DIAPH3: variants seen among roughly 807,000 people sequenced by gnomAD.
DIAPH3 encodes protein diaphanous homolog 3.
Under a neutral mutation model 144.3 loss-of-function variants are expected in DIAPH3, and 117 were observed. That is an observed-to-expected ratio of 0.81 (90% CI 0.70 to 0.95). The LOEUF (loss-of-function observed/expected upper bound fraction) is 0.95. Ranked by LOEUF, DIAPH3 falls within the 40% of genes least tolerant of loss-of-function variation. The probability of loss-of-function intolerance (pLI) is 0.00; values close to 1 mark genes in which losing one functional copy is unlikely to be tolerated. For missense variants in DIAPH3, 1,421 were observed against 1,412.7 expected, an observed-to-expected ratio of 1.01 and a Z score of -0.09; for synonymous variants, 519 against 488.9, an observed-to-expected ratio of 1.06 and a Z score of -0.81.
rs1566163670 is a variant in DIAPH3 at position 59,666,660 on chromosome 13, T to TC, written c.3505dup (p.Glu1169GlyfsTer8). On this transcript the variant is annotated frameshift_variant, in exon 28 of 28. Transcript: ENST00000400324. LOFTEE classifies it high-confidence loss of function. ...ATTTTTAGAAAAAGAGCCAAGAAGTTCCGTTTCCTTTTTTCTGTTGCTTTC... is the reference window on the plus strand; with the variant it reads ...ATTTTTAGAAAAAGAGCCAAGAAGTTCCCGTTTCCTTTTTTCTGTTGCTTTC... 1 of 1,614,146 alleles carries TC rather than the reference T, an allele frequency of 6.2e-7. No individual in the cohort carries two copies. Among genetic ancestry groups the TC allele is most frequent in the South Asian group, 1.1e-5 (1 of 91,084 alleles).
chr13:59,897,613 T>A (rs1161797574), intron 20 of DIAPH3, among the ~76,000 whole-genome samples: 1 of 151,526 alleles, frequency 6.6e-6, no homozygotes, highest in Non-Finnish European at 1.5e-5. Flanking sequence ...CTAGGCATGG[T>A]GGCGTGCACC....
chr13:59,728,201 C>T (rs535493937), intron 27 of DIAPH3, among the ~76,000 whole-genome samples: 1 of 152,100 alleles, frequency 6.6e-6, no homozygotes, highest in South Asian at 2.1e-4. Flanking sequence ...TAGACACCCC[C>T]ACTGGTTACT....
chr13:60,145,860 T>C (rs1202039356), intron 1 of DIAPH3, among the ~76,000 whole-genome samples: 2 of 152,054 alleles, frequency 1.3e-5, no homozygotes, highest in Non-Finnish European at 2.9e-5. Flanking sequence ...TTATAAACCA[T>C]ACACTCCCAA....
At chr13:59,936,468 AC>A (rs1170707086) in intron 17 of DIAPH3, among the ~76,000 whole-genome samples, 1 of 152,166 alleles carries the variant, frequency 6.6e-6, no homozygotes, top group Non-Finnish European at 1.5e-5. Context: ...AAATATTAAC[AC>A]CATTCAAAAT....
intron 20 of DIAPH3, among the ~76,000 whole-genome samples, chr13:59,893,175 C>T (rs1159716698): frequency 1.3e-5 from 2 of 152,118 alleles, no homozygotes; most frequent in East Asian, 3.8e-4. Flanking sequence ...GCATCTCTAA[C>T]ATTACATCTT....
intron 13 of DIAPH3, 127 bp from the exon 14 acceptor site, chr13:59,980,986 T>A: frequency 1.4e-6 from 1 of 706,850 alleles, no homozygotes; most frequent in Non-Finnish European, 2.3e-6. Flanking sequence ...ATAAACAAAA[T>A]GGAAAAAATA....
At chr13:59,993,797 T>G (rs915981096) in intron 9 of DIAPH3, among the ~76,000 whole-genome samples, 1 of 150,202 alleles carries the variant, frequency 6.7e-6, no homozygotes, top group Non-Finnish European at 1.5e-5. Context: ...AAGTTTAAAA[T>G]GTTTTCCTTC....
chr13:60,131,429 C>G (rs2059134199), intron 2 of DIAPH3, among the ~76,000 whole-genome samples: 1 of 124,228 alleles, frequency 8.0e-6, no homozygotes, highest in African/African-American at 3.2e-5. Flanking sequence ...GAGCGAGACC[C>G]TGTCTCAAAA....
At chr13:59,869,379 T>C (rs908765394) in intron 21 of DIAPH3, among the ~76,000 whole-genome samples, 5 of 152,112 alleles carry the variant, frequency 3.3e-5, no homozygotes, top group African/African-American at 9.7e-5. Context: ...TAATTTGACA[T>C]GAGAGAGATT....
intron 20 of DIAPH3, among the ~76,000 whole-genome samples, chr13:59,898,792 T>C (rs143790503): frequency 3.3e-4 from 51 of 152,250 alleles, no homozygotes; most frequent in African/African-American, 1.1e-3. Context: ...ATGGTTAATA[T>C]TGAGTGTCAA....
intron 4 of DIAPH3, among the ~76,000 whole-genome samples, chr13:60,078,719 C>T (rs2057453969): frequency 6.6e-6 from 1 of 151,492 alleles, no homozygotes; most frequent in East Asian, 1.9e-4. Flanking sequence ...ATTTTCAATT[C>T]ATATATATTT....
At chr13:59,840,416 G>T (rs913060714) in intron 22 of DIAPH3, among the ~76,000 whole-genome samples, 2 of 151,754 alleles carry the variant, frequency 1.3e-5, no homozygotes, top group African/African-American at 4.8e-5. Context: ...ATAAGGATAG[G>T]AATATCCTTG....
rs1322828740 is a variant in DIAPH3 at position 59,666,730 on chromosome 13, T to C, written c.3436A>G (p.Thr1146Ala). ...TTCTCAGCTGCCTTGATCCTCCCAG[T>C]AGACGTATGAGTGTCTAGATTATAA... ...LNYNLDTHTS[T>A]GRIKAAEKKE... The change falls in exon 28 of 28, where the codon ACT becomes GCT. Residue 1146 changes from threonine (T) to alanine (A), a missense_variant. Physicochemically the swap from Thr to Ala is moderately conservative, Grantham distance 58. Coordinates refer to ENST00000400324, the MANE Select transcript of DIAPH3 (RefSeq NM_001042517.2). The C allele has an allele frequency of 6.2e-7, 1 of 1,614,176 alleles. No individual in the cohort carries two copies. The highest frequency in any genetic ancestry group is 2.2e-5 in the East Asian group (1 of 44,878).
intron 17 of DIAPH3, among the ~76,000 whole-genome samples, chr13:59,926,937 C>T (rs1358277413): frequency 1.3e-5 from 2 of 152,182 alleles, no homozygotes; most frequent in Non-Finnish European, 2.9e-5. Flanking sequence ...TCTCCAACTA[C>T]AACTATATTG....
chr13:59,913,062 C>T, intron 19 of DIAPH3, among the ~76,000 whole-genome samples: 1 of 151,946 alleles, frequency 6.6e-6, no homozygotes, highest in East Asian at 1.9e-4. Flanking sequence ...TGCTTGAGAC[C>T]AAAAGACATG....
chr13:59,981,487 A>G (rs967706560), intron 13 of DIAPH3, among the ~76,000 whole-genome samples: 8 of 150,372 alleles, frequency 5.3e-5, no homozygotes, highest in African/African-American at 1.9e-4. Flanking sequence ...CTGAAAACTC[A>G]TTAAAATATT....
At chr13:59,862,994 A>C (rs1334131105) in intron 21 of DIAPH3, among the ~76,000 whole-genome samples, 1 of 152,206 alleles carries the variant, frequency 6.6e-6, no homozygotes, top group Non-Finnish European at 1.5e-5. Flanking sequence ...AAAGCTAATT[A>C]GTTGATCAAA....
chr13:59,740,636 A>G (rs1000073013), intron 27 of DIAPH3, among the ~76,000 whole-genome samples: 1 of 152,346 alleles, frequency 6.6e-6, no homozygotes. Context: ...AGCAAACTTA[A>G]TTTTAACTTA....
rs78001784 is a variant in DIAPH3, at chr13:59,777,573, T to C, written c.3164-2750A>G. Among the ~76,000 whole-genome samples, 1,107 of 152,300 alleles carry C rather than the reference T, an allele frequency of 7.3e-3. 13 individuals are homozygous for C. The highest frequency in any genetic ancestry group is 0.025 in the African/African-American group (1,053 of 41,576). ...TAGAGAAATCTGGTAGATACCACCTTATCCAAATAATCAAATTTGACATTA... is the reference window on the plus strand; with the variant it reads ...TAGAGAAATCTGGTAGATACCACCTCATCCAAATAATCAAATTTGACATTA... On this transcript the variant is annotated intron_variant, in intron 25 of 27. Transcript: ENST00000400324.
Sources: allele counts gnomAD v4.1 joint callset (sites outside exome capture counted in the v4.1 genomes callset), GRCh38; gene constraint gnomAD v4.1.1; transcripts MANE v1.5; gene names NCBI Gene and HGNC (gene_info 2026-07-23, HGNC 2026-07-21).